MED30: variants seen among roughly 807,000 people sequenced by gnomAD.
MED30 encodes the protein mediator of RNA polymerase II transcription subunit 30.
In MED30, 8 loss-of-function variants were observed where a neutral mutation model predicts 21.7. The ratio of observed to expected loss-of-function variants is 0.37; its 90% CI spans 0.22 to 0.67. The LOEUF is 0.67. Ranked by LOEUF, MED30 falls within the 30% of genes least tolerant of loss-of-function variation. The pLI, the probability that MED30 is intolerant of heterozygous loss-of-function variation, is 0.58. For missense variants in MED30, 203 were observed against 228.2 expected (o/e 0.89, Z 0.71); for synonymous variants, 79 against 86.7 (o/e 0.91, Z 0.49).
chr8:117,538,087 C>A (rs1403011407), intron 3 of MED30, among the ~76,000 whole-genome samples: 1 of 152,192 alleles, frequency 6.6e-6, no homozygotes, highest in African/African-American at 2.4e-5. Flanking sequence ...TATTCTTCAT[C>A]TTTCCCAGCA....
At position 117,528,721 on chromosome 8, in the gene MED30, G is replaced by A. The variant is rs144333065; in HGVS notation, c.248G>A (p.Arg83His). The A allele has an allele frequency of 5.6e-6, 9 of 1,611,042 alleles. No individual in the cohort carries two copies. The highest frequency in any genetic ancestry group is 4.0e-5 in the African/African-American group (3 of 74,746). ...TTAACAAAGCTACAGGATAATCTTC[G>A]CCAACTTTCAGTTCTCTTCAGGAAG... Reference protein sequence around the residue: ...DRLTKLQDNLRQLSVLFRKLR... With the variant: ...DRLTKLQDNLHQLSVLFRKLR... The change falls in exon 2 of 4, where the codon CGC (arginine) becomes CAC (histidine). Residue 83 changes from arginine (R) to histidine (H), a missense_variant. By Grantham distance (29) the Arg-to-His change is conservative (BLOSUM62 0). Coordinates refer to ENST00000297347, the MANE Select transcript of MED30 (RefSeq NM_080651.4).
chr8:117,533,335 G>A (rs988532067), intron 3 of MED30, among the ~76,000 whole-genome samples: 3 of 151,836 alleles, frequency 2.0e-5, no homozygotes, highest in Non-Finnish European at 4.4e-5. Flanking sequence ...ATAGAGTTTT[G>A]TGGATTTTAA....
chr8:117,528,944 G>A, intron 2 of MED30, 135 bp downstream of exon 2: 2 of 623,274 alleles, frequency 3.2e-6, no homozygotes, highest in South Asian at 3.6e-5. Context: ...CTTTTGACCA[G>A]AGAAGATGAA....
In MED30 at chr8:117,540,012, A is replaced by G. The variant is rs1490217408; in HGVS notation, c.*34A>G. The G allele has an allele frequency of 8.0e-7, 1 of 1,249,654 alleles. No individual in the cohort carries two copies. The highest frequency in any genetic ancestry group is 1.1e-6 in the Non-Finnish European group (1 of 892,252). 77.4% of individuals were successfully genotyped at this position (1,249,654 alleles called of 1,614,324 possible). On this transcript the variant is annotated 3_prime_UTR_variant, in exon 4 of 4. Coordinates refer to ENST00000297347, the MANE Select transcript of MED30 (RefSeq NM_080651.4). Reference sequence around the variant, plus strand: ...TTAAATTTCCTGCTTTACACATGTTATACCATTGTTTTTTCCCTCAAGTAT... The same window carrying G: ...TTAAATTTCCTGCTTTACACATGTTGTACCATTGTTTTTTCCCTCAAGTAT...
chr8:117,532,183 C>T (rs1818801416), intron 3 of MED30, among the ~76,000 whole-genome samples: 1 of 151,904 alleles, frequency 6.6e-6, no homozygotes, highest in Non-Finnish European at 1.5e-5. Flanking sequence ...TGATTTAATA[C>T]TCACAGTTTT....
intron 1 of MED30, chr8:117,523,775 G>C: frequency 2.4e-6 from 2 of 847,664 alleles, no homozygotes; most frequent in Non-Finnish European, 3.6e-6. Flanking sequence ...TTGAGAGGCC[G>C]AGGTGGGCGG....
At chr8:117,523,426 T>C (rs1391697283) in intron 1 of MED30, 1 of 1,567,030 alleles carries the variant, frequency 6.4e-7, no homozygotes, top group Non-Finnish European at 8.8e-7. Flanking sequence ...TGCAGGTCGC[T>C]CACCCTCCAG....
intron 3 of MED30, among the ~76,000 whole-genome samples, chr8:117,531,806 T>C (rs1818796160): frequency 6.6e-6 from 1 of 151,978 alleles, no homozygotes; most frequent in Admixed American, 6.6e-5. Flanking sequence ...TATAACACTA[T>C]GTTTAATATT....
intron 3 of MED30, among the ~76,000 whole-genome samples, chr8:117,535,434 T>C (rs967382188): frequency 1.3e-5 from 2 of 151,988 alleles, no homozygotes; most frequent in African/African-American, 4.8e-5. Context: ...TTTCACCATG[T>C]TGGTCAGGCT....
At chr8:117,535,412 G>T (rs1302489882) in intron 3 of MED30, among the ~76,000 whole-genome samples, 2 of 151,764 alleles carry the variant, frequency 1.3e-5, no homozygotes, top group Admixed American at 1.3e-4. Flanking sequence ...TGTGTTTTTA[G>T]TAGAGATGGG....
intron 1 of MED30, 29 bp downstream of exon 1, chr8:117,521,082 G>T (rs1405848665): frequency 5.1e-6 from 8 of 1,553,904 alleles, no homozygotes; most frequent in South Asian, 1.2e-5. Flanking sequence ...GAGGCCAGGG[G>T]GATGCAGCTG....
intron 3 of MED30, 43 bp from the exon 4 acceptor site, chr8:117,539,840 A>G (rs199890775): frequency 6.9e-4 from 803 of 1,163,454 alleles, no homozygotes; most frequent in Non-Finnish European, 8.8e-4. Flanking sequence ...TTCATGGTCT[A>G]TATTTCCTGA....
intron 3 of MED30, among the ~76,000 whole-genome samples, chr8:117,536,163 T>C (rs1818875213): frequency 6.6e-6 from 1 of 152,208 alleles, no homozygotes. Flanking sequence ...GGCTATATAC[T>C]CATTTCACAT....
At position 117,523,861 on chromosome 8, in the gene MED30, GC is replaced by G. The variant is rs373414321; in HGVS notation, c.177+2810del. 188 of 437,552 alleles carry G rather than the reference GC, an allele frequency of 4.3e-4. 2 individuals carry two copies. In the East Asian group the frequency reaches 7.4e-3, roughly 17 times the overall value. 27.1% of individuals were successfully genotyped at this position (437,552 alleles called of 1,614,324 possible). On this transcript the variant is annotated intron_variant, in intron 1 of 3. Coordinates refer to ENST00000297347, the MANE Select transcript of MED30 (RefSeq NM_080651.4). ...ATCTCTACTAAAAATACAAAAATTA[GC>G]CGGGCGTGGTGGCGGGCGCCTGTAA...
At chr8:117,527,689 A>G (rs1488120255) in intron 1 of MED30, among the ~76,000 whole-genome samples, 2 of 150,370 alleles carry the variant, frequency 1.3e-5, no homozygotes, top group African/African-American at 4.9e-5. Flanking sequence ...AAAAGAAAAA[A>G]ATGCAAACTG....
At chr8:117,523,511 G>A (rs1818666133) in intron 1 of MED30, 1 of 1,593,582 alleles carries the variant, frequency 6.3e-7, no homozygotes, top group Non-Finnish European at 8.6e-7. Flanking sequence ...GGGGGCAGAT[G>A]AAGGTAATCA....
At position 117,525,170 on chromosome 8, in the gene MED30, G is replaced by C. The variant is rs184864833; in HGVS notation, c.178-3481G>C. Among the ~76,000 whole-genome samples, 291 of 152,208 alleles carry C rather than the reference G, an allele frequency of 1.9e-3. 1 individual carries two copies. Among genetic ancestry groups the C allele is most frequent in the African/African-American group, 6.6e-3 (275 of 41,518 alleles). ...TGAACTAATTTATGCTACGGCCTAA[G>C]ACCAGCACAGTGAGTTATAGCTTTT... On this transcript the variant is annotated intron_variant, in intron 1 of 3. Transcript: ENST00000297347.
At chr8:117,539,045 T>C (rs968521914) in intron 3 of MED30, among the ~76,000 whole-genome samples, 2 of 152,256 alleles carry the variant, frequency 1.3e-5, no homozygotes, top group Admixed American at 1.3e-4. Flanking sequence ...TGTTTACTTA[T>C]GTGTCAGGCA....
chr8:117,523,158 A>G, intron 1 of MED30: 1 of 633,344 alleles, frequency 1.6e-6, no homozygotes, highest in South Asian at 1.8e-5. Flanking sequence ...TATTTTATCA[A>G]TAACTAGATT....
Sources: gnomAD v4.1 joint callset for allele counts (sites outside exome capture counted in the v4.1 genomes callset) on GRCh38, gnomAD v4.1.1 for gene constraint, MANE v1.5 for transcripts, NCBI Gene and HGNC (gene_info 2026-07-23, HGNC 2026-07-21) for gene names.